The following SORCS3 variants were observed in gnomAD, a reference collection of about 807,000 sequenced individuals.
SORCS3 encodes the protein VPS10 domain-containing receptor SorCS3.
In SORCS3, 57 loss-of-function variants were observed where a neutral mutation model predicts 146.3. The observed-to-expected ratio is 0.39, with a 90% CI of 0.31 to 0.49. The LOEUF is 0.49. SORCS3 is among the 20% of genes least tolerant of loss of function. The pLI is 0.92. For synonymous variants in SORCS3, 653 were observed against 618.5 expected, an observed-to-expected ratio of 1.06 and a Z score of -0.83; for missense variants, 1,341 against 1,575.5, an observed-to-expected ratio of 0.85 and a Z score of 2.52.
chr10:105,147,237 C>T (rs2056137512), intron 8 of SORCS3, among the ~76,000 whole-genome samples: 2 of 152,142 alleles, frequency 1.3e-5, no homozygotes, highest in Admixed American at 6.6e-5. Context: ...AATTTAAAAA[C>T]ATAAATGAAT....
At chr10:105,126,286 T>C (rs1309070285) in intron 7 of SORCS3, among the ~76,000 whole-genome samples, 1 of 152,004 alleles carries the variant, frequency 6.6e-6, no homozygotes, top group Non-Finnish European at 1.5e-5. Flanking sequence ...CAAAACTACC[T>C]CTCCTGGTAC....
chr10:104,836,441 G>A lies in SORCS3; in HGVS notation c.628-6351G>A, dbSNP rs145031211. ...TAAAGGCATTAGTTGCTGGTGTTGC[G>A]TGTGTCTGAAGCTGGCTTGAGCATT... On this transcript the variant is annotated intron_variant, in intron 1 of 26. Transcript: ENST00000369701. Among the ~76,000 whole-genome samples the A allele has an allele frequency of 1.4e-3, 220 of 152,274 alleles. No individual in the cohort carries two copies. The Middle Eastern group carries it at 0.024, about 16-fold the overall frequency.
At chr10:105,033,173 A>G (rs1346071585) in intron 4 of SORCS3, among the ~76,000 whole-genome samples, 1 of 152,238 alleles carries the variant, frequency 6.6e-6, no homozygotes, top group Non-Finnish European at 1.5e-5. Context: ...TGATTTGTAA[A>G]TAAAGGTGCT....
intron 4 of SORCS3, among the ~76,000 whole-genome samples, chr10:104,981,390 A>G (rs2054930725): frequency 6.6e-6 from 1 of 152,240 alleles, no homozygotes; most frequent in Admixed American, 6.5e-5. Context: ...AAATGACAAA[A>G]GAAAAGCTAC....
At chr10:105,138,782 C>T (rs1299113868) in intron 7 of SORCS3, among the ~76,000 whole-genome samples, 1 of 152,176 alleles carries the variant, frequency 6.6e-6, no homozygotes, top group Non-Finnish European at 1.5e-5. Flanking sequence ...CAGACTCAAA[C>T]CCAGGACTTC....
intron 20 of SORCS3, among the ~76,000 whole-genome samples, chr10:105,224,298 T>C (rs2056721529): frequency 2.0e-5 from 3 of 152,202 alleles, no homozygotes; most frequent in African/African-American, 7.2e-5. Context: ...TCTCTGTAGT[T>C]TTGCCTTTTC....
intron 3 of SORCS3, among the ~76,000 whole-genome samples, chr10:104,947,770 G>A (rs1173396332): frequency 6.6e-6 from 1 of 152,002 alleles, no homozygotes; most frequent in Non-Finnish European, 1.5e-5. Context: ...CTGCAGGCAC[G>A]TGGCACCATG....
intron 1 of SORCS3, among the ~76,000 whole-genome samples, chr10:104,695,068 C>T (rs940823523): frequency 7.9e-5 from 12 of 152,102 alleles, no homozygotes; most frequent in African/African-American, 2.7e-4. Context: ...GCCCTCGTGT[C>T]GATTCATGTC....
At chr10:105,021,251 G>A (rs1280082769) in intron 4 of SORCS3, among the ~76,000 whole-genome samples, 4 of 152,190 alleles carry the variant, frequency 2.6e-5, no homozygotes, top group Non-Finnish European at 5.9e-5. Context: ...TTCTTGTGGT[G>A]TCATCCCATG....
At chr10:104,822,171 A>G in intron 1 of SORCS3, 1 of 499,558 alleles carries the variant, frequency 2.0e-6, no homozygotes, top group Admixed American at 2.1e-5. Flanking sequence ...TCTGACAGTC[A>G]GGTCTCAGAA....
At chr10:105,182,095 G>A (rs975874393) in intron 14 of SORCS3, among the ~76,000 whole-genome samples, 1 of 152,028 alleles carries the variant, frequency 6.6e-6, no homozygotes, top group African/African-American at 2.4e-5. Flanking sequence ...ATCTTAGAAG[G>A]GAGAAGTACA....
intron 1 of SORCS3, among the ~76,000 whole-genome samples, chr10:104,791,639 A>C (rs2017496436): frequency 1.3e-5 from 2 of 152,204 alleles, no homozygotes; most frequent in Non-Finnish European, 2.9e-5. Flanking sequence ...CAGGCTCTGC[A>C]GGGACTAAGG....
chr10:104,722,194 T>C (rs1054877636), intron 1 of SORCS3, among the ~76,000 whole-genome samples: 22 of 152,242 alleles, frequency 1.4e-4, no homozygotes, highest in African/African-American at 4.8e-4. Context: ...TGAAGGGTTG[T>C]TGAATTTTGT....
chr10:105,242,986 AATATATATTTATACATGTATTTTT>A (rs1274075143), intron 20 of SORCS3, among the ~76,000 whole-genome samples: 1 of 116,526 alleles, frequency 8.6e-6, no homozygotes, highest in African/African-American at 3.1e-5. Context: ...TATTATATAT[AATATATATTTATACATGTATTTTT>A]ATATATATTT....
chr10:104,699,571 G>T (rs2016256218), intron 1 of SORCS3, among the ~76,000 whole-genome samples: 2 of 152,124 alleles, frequency 1.3e-5, no homozygotes, highest in South Asian at 4.1e-4. Flanking sequence ...TCTTTGAAAA[G>T]ACCTTAGAAA....
At chr10:104,900,468 C>T (rs1170010437) in intron 2 of SORCS3, among the ~76,000 whole-genome samples, 2 of 152,194 alleles carry the variant, frequency 1.3e-5, no homozygotes, top group East Asian at 3.9e-4. Context: ...CAGCTTAGTC[C>T]TTTCAAACAG....
intron 4 of SORCS3, among the ~76,000 whole-genome samples, chr10:105,032,037 A>C (rs765600611): frequency 5.9e-5 from 9 of 152,162 alleles, no homozygotes; most frequent in Non-Finnish European, 1.0e-4. Flanking sequence ...TACTAAAAAT[A>C]CAAAATGAGC....
At chr10:104,944,961 G>A (rs1254352365) in intron 3 of SORCS3, among the ~76,000 whole-genome samples, 1 of 152,084 alleles carries the variant, frequency 6.6e-6, no homozygotes, top group African/African-American at 2.4e-5. Context: ...CAGCAAAATG[G>A]ACTAATAATT....
At chr10:105,030,652 G>C (rs2055260057) in intron 4 of SORCS3, among the ~76,000 whole-genome samples, 1 of 151,706 alleles carries the variant, frequency 6.6e-6, no homozygotes, top group African/African-American at 2.4e-5. Flanking sequence ...GAGTGCAATG[G>C]TGGGATCTTG....
Sources: gnomAD v4.1 joint callset for allele counts (sites outside exome capture counted in the v4.1 genomes callset) on GRCh38, gnomAD v4.1.1 for gene constraint, MANE v1.5 for transcripts, NCBI Gene and HGNC (gene_info 2026-07-23, HGNC 2026-07-21) for gene names.